CLCA4: variants seen among roughly 807,000 people sequenced by gnomAD.
The protein encoded by CLCA4 is chloride channel accessory 4.
A neutral mutation model predicts 78.9 loss-of-function variants in CLCA4; 69 were observed. The observed-to-expected ratio is 0.87, with a 90% CI of 0.72 to 1.07. CLCA4 has a LOEUF of 1.07. CLCA4 is among the 50% of genes least tolerant of loss of function. The pLI, the probability that CLCA4 is intolerant of heterozygous loss-of-function variation, is 0.00. For missense variants in CLCA4, 1,133 were observed against 1,095.8 expected (o/e 1.03, Z -0.48); for synonymous variants, 362 against 375.8 (o/e 0.96, Z 0.42).
At position 86,553,934 on chromosome 1, in the gene CLCA4, CAA is replaced by C. The variant is rs545496112; in HGVS notation, c.160-5989_160-5988del. Among the ~76,000 whole-genome samples the C allele has an allele frequency of 2.7e-4, 39 of 145,986 alleles. No individual in the cohort carries two copies. In the East Asian group the frequency reaches 4.0e-3, roughly 15 times the overall value. On this transcript the variant is annotated intron_variant, in intron 1 of 13. Coordinates refer to ENST00000370563, the MANE Select transcript of CLCA4 (RefSeq NM_012128.4). Reference sequence around the variant, plus strand: ...CTGGGAGACAGAGCAAGACTCTGTCCAAAAAAAAAAGTTTGTGTGTCAATGTA... The same window carrying C: ...CTGGGAGACAGAGCAAGACTCTGTCCAAAAAAAAGTTTGTGTGTCAATGTA...
At chr1:86,564,588 T>C (rs1466270731) in intron 4 of CLCA4, among the ~76,000 whole-genome samples, 1 of 152,146 alleles carries the variant, frequency 6.6e-6, no homozygotes, top group East Asian at 1.9e-4. Context: ...ACTCTCTAAA[T>C]AGCTGAATAG....
At chr1:86,578,270 C>A (rs1012388127) in intron 12 of CLCA4, among the ~76,000 whole-genome samples, 198 bp downstream of exon 12, 1 of 152,010 alleles carries the variant, frequency 6.6e-6, no homozygotes, top group Non-Finnish European at 1.5e-5. Flanking sequence ...AGTAAGCACT[C>A]AAGCACTCAA....
At chr1:86,552,691 C>A in intron 1 of CLCA4, 1 of 1,135,126 alleles carries the variant, frequency 8.8e-7, no homozygotes, top group South Asian at 1.3e-5. Flanking sequence ...AGCTGGGGCA[C>A]GGGGTGACCG....
chr1:86,565,450 C>A lies in CLCA4; in HGVS notation c.734C>A (p.Ser245Tyr). 6.4e-7 allele frequency: 1 copy of A among 1,572,914 alleles called. No individual in the cohort carries two copies. Among genetic ancestry groups the A allele is most frequent in the Non-Finnish European group, 8.6e-7 (1 of 1,157,540 alleles). Residue 245 changes from serine to tyrosine, a missense_variant and splice_region_variant, in exon 5 of 14, where the codon TCT becomes TAT. By Grantham distance (144) the Ser-to-Tyr change is moderately radical (BLOSUM62 -2). Transcript: ENST00000370563. ...ASIMFMQSID[S>Y]VVEFCNEKTH... is the part of the protein sequence containing the mutation. Reference sequence around the variant, plus strand: ...ATAATGTTTATGCAAAGTATTGATTCTGTAAGTATGCTGATAATTGCTTCC... The same window carrying A: ...ATAATGTTTATGCAAAGTATTGATTATGTAAGTATGCTGATAATTGCTTCC...
Position 86,560,022 on chromosome 1 carries a change from T to A in CLCA4, c.250T>A (p.Trp84Arg), listed in dbSNP as rs775802457. The A allele has an allele frequency of 1.2e-6, 2 of 1,609,464 alleles. No individual in the cohort carries two copies. The highest frequency in any genetic ancestry group is 8.5e-7 in the Non-Finnish European group (1 of 1,178,268). The stretch of plus-strand genomic sequence containing the variant: ...TGTATCTATATTAATTCCTGAGAAT[T>A]GGAAGGAAAATCCTCAGTACAAAAG... ...KNVSILIPENWKENPQYKRPK... is the reference protein window; with the variant it reads ...KNVSILIPENRKENPQYKRPK... Residue 84 changes from tryptophan (W) to arginine (R), a missense_variant, in exon 2 of 14, where the codon TGG becomes AGG. Coordinates refer to ENST00000370563, the MANE Select transcript of CLCA4 (RefSeq NM_012128.4).
chr1:86,559,893 A>G (rs1246529012), intron 1 of CLCA4, 39 bp from the exon 2 acceptor site: 2 of 1,539,644 alleles, frequency 1.3e-6, no homozygotes, highest in Non-Finnish European at 8.8e-7. Context: ...AGTTCACTCT[A>G]ACTTCACCAT....
In CLCA4 at chr1:86,566,055, A is replaced by T. The variant is rs1376980168; in HGVS notation, c.954+35A>T. ...CTTTTTCTGGATATAGGGATGTAGGATATTTGAAGATCCGAGAACACACTG... is the reference window on the plus strand; with the variant it reads ...CTTTTTCTGGATATAGGGATGTAGGTTATTTGAAGATCCGAGAACACACTG... On this transcript the variant is annotated intron_variant, in intron 6 of 13. Transcript: ENST00000370563. 4.5e-6 allele frequency: 7 copies of T among 1,568,516 alleles called. No homozygotes were observed. In the South Asian group the frequency reaches 7.9e-5, roughly 18 times the overall value.
chr1:86,575,550 A>G lies in CLCA4; in HGVS notation c.1902A>G (p.Glu634=), dbSNP rs1399509123. The change falls in exon 11 of 14, where the codon GAA becomes GAG. Residue 634 remains glutamate (E), a synonymous_variant. Coordinates refer to ENST00000370563, the MANE Select transcript of CLCA4 (RefSeq NM_012128.4). ...GAGCCAATGTGACTGCTTTCATTGA[A>G]TCACAGAATGGACATACAGAAGTTT... ...VLGANVTAFI[E]SQNGHTEVLE... is the part of the protein sequence containing the mutation. The G allele has an allele frequency of 3.1e-6, 5 of 1,613,230 alleles. No individual in the cohort carries two copies. The highest frequency in any genetic ancestry group is 4.2e-6 in the Non-Finnish European group (5 of 1,179,536).
In CLCA4 at chr1:86,565,381, A is replaced by G. The variant is rs781238968; in HGVS notation, c.665A>G (p.Asp222Gly). The G allele has an allele frequency of 3.4e-5, 54 of 1,609,422 alleles. No homozygotes were observed. Among genetic ancestry groups the G allele is most frequent in the Non-Finnish European group, 4.4e-5 (52 of 1,176,656 alleles). The part of the protein sequence containing the change: ...IDSTTKLYGK[D>G]CQFFPDKVQT... Reference sequence around the variant, plus strand: ...TCTACAACAAAACTGTATGGAAAAGATTGTCAATTCTTTCCTGATAAAGTA... The same window carrying G: ...TCTACAACAAAACTGTATGGAAAAGGTTGTCAATTCTTTCCTGATAAAGTA... Residue 222 changes from aspartate (D) to glycine (G), a missense_variant, in exon 5 of 14, where the codon GAT becomes GGT. Asp to Gly is a moderately conservative substitution (Grantham distance 94). Coordinates refer to ENST00000370563, the MANE Select transcript of CLCA4 (RefSeq NM_012128.4).
chr1:86,577,856 C>A, intron 11 of CLCA4, 46 bp from the exon 12 acceptor site: 2 of 1,560,704 alleles, frequency 1.3e-6, no homozygotes, highest in South Asian at 1.2e-5. Flanking sequence ...TTAGAAAATG[C>A]AAAATTTCTC....
chr1:86,579,886 A>C, intron 13 of CLCA4, 56 bp from the exon 14 acceptor site: 2 of 1,128,394 alleles, frequency 1.8e-6, no homozygotes, highest in South Asian at 3.1e-5. Context: ...ATAAATAAAA[A>C]GGAATGAATA....
intron 12 of CLCA4, among the ~76,000 whole-genome samples, chr1:86,578,487 A>G (rs1466783985): frequency 6.6e-6 from 1 of 151,926 alleles, no homozygotes; most frequent in Non-Finnish European, 1.5e-5. Context: ...CCTAGTGCCT[A>G]TTGTTACCCT....
intron 5 of CLCA4, 29 bp downstream of exon 5, chr1:86,565,480 T>C: frequency 4.7e-6 from 7 of 1,482,928 alleles, no homozygotes; most frequent in Non-Finnish European, 6.4e-6. Flanking sequence ...GCTTCCAGAA[T>C]TTATAATCAA....
chr1:86,579,527 C>A lies in CLCA4; in HGVS notation c.2296C>A (p.His766Asn), dbSNP rs766859809. The part of the protein sequence containing the change: ...SQITDLDATV[H>N]EDKIILTWTA... ...AATCACAGACCTTGATGCCACAGTTCATGAGGATAAGATTATTCTTACATG... is the reference window on the plus strand; with the variant it reads ...AATCACAGACCTTGATGCCACAGTTAATGAGGATAAGATTATTCTTACATG... The change falls in exon 13 of 14, where the codon CAT becomes AAT. Residue 766 changes from histidine (H) to asparagine (N), a missense_variant. Transcript: ENST00000370563. 1.2e-6 allele frequency: 2 copies of A among 1,612,950 alleles called. No homozygotes were observed. The highest frequency in any genetic ancestry group is 2.2e-5 in the South Asian group (2 of 91,044).
At chr1:86,570,997 G>T in intron 7 of CLCA4, 80 bp from the exon 8 acceptor site, 1 of 1,029,952 alleles carries the variant, frequency 9.7e-7, no homozygotes, top group African/African-American at 1.6e-5. Flanking sequence ...TATTTTCTCT[G>T]TAAATTTTTT....
At chr1:86,561,195 C>T (rs1213967321) in intron 3 of CLCA4, among the ~76,000 whole-genome samples, 1 of 152,192 alleles carries the variant, frequency 6.6e-6, no homozygotes, top group Non-Finnish European at 1.5e-5. Context: ...CCAATCTTAC[C>T]TCTTCCCTGT....
In CLCA4 at chr1:86,562,710, C is replaced by T. The variant is rs937490579; in HGVS notation, c.449-951C>T. On this transcript the variant is annotated intron_variant, in intron 3 of 13. Transcript: ENST00000370563. ...TCTACGAAAAATACAAAAAATTAGC[C>T]GAGCATAGTGGCAGGTGCCTGTAAT... Among the ~76,000 whole-genome samples the T allele has an allele frequency of 5.1e-4, 78 of 151,724 alleles. 1 individual carries two copies. The highest frequency in any genetic ancestry group is 2.2e-4 in the Non-Finnish European group (15 of 67,906).
intron 13 of CLCA4, 114 bp downstream of exon 13, chr1:86,579,701 G>A: frequency 1.3e-6 from 1 of 797,398 alleles, no homozygotes; most frequent in Non-Finnish European, 2.0e-6. Flanking sequence ...CTAGCAAAGT[G>A]TTAATTTTAT....
intron 1 of CLCA4, among the ~76,000 whole-genome samples, chr1:86,553,695 G>A (rs900033540): frequency 6.6e-6 from 1 of 152,226 alleles, no homozygotes; most frequent in Non-Finnish European, 1.5e-5. Flanking sequence ...AGCACTTTGG[G>A]AGGCTGAGGC....
Sources: allele counts gnomAD v4.1 joint callset (sites outside exome capture counted in the v4.1 genomes callset), GRCh38; gene constraint gnomAD v4.1.1; transcripts MANE v1.5; gene names NCBI Gene and HGNC (gene_info 2026-07-23, HGNC 2026-07-21).